DNAH8: variants seen among roughly 807,000 people sequenced by gnomAD.
DNAH8 encodes the protein dynein axonemal heavy chain 8, also known as axonemal beta dynein heavy chain 8.
Under a neutral mutation model 562.1 loss-of-function variants are expected in DNAH8, and 382 were observed. The ratio of observed to expected loss-of-function variants is 0.68; its 90% confidence interval spans 0.63 to 0.74. DNAH8 has a LOEUF of 0.74. DNAH8 is among the 30% of genes least tolerant of loss of function. The pLI is 0.00. For synonymous variants in DNAH8, 1,881 were observed against 1,919.4 expected (o/e 0.98, Z 0.52); for missense variants, 5,203 against 5,620.4 (o/e 0.93, Z 2.37).
intron 91 of DNAH8, among the ~76,000 whole-genome samples, chr6:39,013,509 A>T (rs1372949957): frequency 6.6e-6 from 1 of 152,198 alleles, no homozygotes; most frequent in East Asian, 1.9e-4. Context: ...ATGGCTCTAT[A>T]GTGTTCAAAG....
Position 38,906,865 on chromosome 6 carries a change from T to A in DNAH8, c.9348+458T>A, listed in dbSNP as rs549082480. Among the ~76,000 whole-genome samples, 4 of 152,244 alleles carry A rather than the reference T, an allele frequency of 2.6e-5. No individual in the cohort carries two copies. The South Asian group carries it at 8.3e-4, about 32-fold the overall frequency. On this transcript the variant is annotated intron_variant, in intron 63 of 92. Transcript: ENST00000327475. ...GCATATACAGGTCGAGCTTCTCAAA[T>A]CCAAAACTCTGGAATCCAAAATGCT...
intron 53 of DNAH8, 37 bp downstream of exon 53, chr6:38,875,865 T>G: frequency 7.3e-7 from 1 of 1,362,656 alleles, no homozygotes; most frequent in Non-Finnish European, 1.0e-6. Flanking sequence ...TGAAATGACT[T>G]TTTTCAAATG....
chr6:38,842,598 A>T, intron 34 of DNAH8, 65 bp from the exon 35 acceptor site: 1 of 1,588,578 alleles, frequency 6.3e-7, no homozygotes. Context: ...AATAGTGTAT[A>T]TACATAAAAC....
Position 38,883,020 on chromosome 6 carries a change from T to C in DNAH8, c.7969T>C (p.Phe2657Leu), listed in dbSNP as rs372849137. 4.2e-5 allele frequency: 68 copies of C among 1,601,410 alleles called. No homozygotes were observed. The African/African-American group carries it at 5.5e-4, about 13-fold the overall frequency. ...VPNVDNIRTNFLIDTIAKQHK... is the reference protein window; with the variant it reads ...VPNVDNIRTNLLIDTIAKQHK... ...AAATGTTGACAATATTAGAACAAAT[T>C]TTTTGATAGACACCATTGCAAAACA... is the stretch of plus-strand genomic sequence containing the variant. Residue 2657 changes from phenylalanine (F) to leucine (L), a missense_variant, in exon 54 of 93, where the codon TTT (phenylalanine) becomes CTT (leucine). Physicochemically the swap from Phe to Leu is conservative, Grantham distance 22 (BLOSUM62 0). Transcript: ENST00000327475.
intron 13 of DNAH8, among the ~76,000 whole-genome samples, chr6:38,776,707 A>T (rs1768114444): frequency 6.6e-6 from 1 of 152,178 alleles, no homozygotes; most frequent in African/African-American, 2.4e-5. Context: ...AGCTCTGAAG[A>T]GGCATTCATA....
chr6:38,945,361 T>C (rs1761317312), intron 79 of DNAH8, 106 bp from the exon 80 acceptor site: 2 of 1,220,190 alleles, frequency 1.6e-6, no homozygotes, highest in South Asian at 1.5e-5. Flanking sequence ...CCAATTTTCC[T>C]ATATTTTCAG....
intron 89 of DNAH8, among the ~76,000 whole-genome samples, chr6:39,010,145 A>G (rs1766092002): frequency 3.5e-5 from 1 of 28,728 alleles, no homozygotes; most frequent in African/African-American, 5.1e-4. Context: ...TTATTCCAGC[A>G]GAAACAGCAT....
Position 38,860,622 on chromosome 6 carries a change from AC to A in DNAH8, c.6125del (p.Thr2042LysfsTer8). The part of the protein sequence containing the change: ...CTDRLVITPL[T>X]DRCYITLAQA... ...TGATCGTCTTGTTATCACTCCATTA[AC>A]AGATAGGTAGGAAACCCAGTTTTCG... On this transcript the variant is annotated frameshift_variant, in exon 43 of 93. Transcript: ENST00000327475. LOFTEE classifies it high-confidence loss of function. 2 of 1,524,722 alleles carry A rather than the reference AC, an allele frequency of 1.3e-6. No individual in the cohort carries two copies. The allele number at this position is 1,524,722 out of a possible 1,614,324, so 94.4% of individuals were successfully genotyped here.
Position 38,823,630 on chromosome 6 carries a change from A to G in DNAH8, c.3789A>G (p.Glu1263=). 6.2e-7 allele frequency: 1 copy of G among 1,609,240 alleles called. No homozygotes were observed. Among genetic ancestry groups the G allele is most frequent in the Non-Finnish European group, 8.5e-7 (1 of 1,175,880 alleles). ...AAATTCTACACTATGCTACTTTTGA[A>G]CAGGAGATTGATGAGTTGAAGCCTA... is the stretch of plus-strand genomic sequence containing the variant. ...RSEILHYATF[E]QEIDELKPII... The change falls in exon 28 of 93, where the codon GAA becomes GAG. Residue 1263 remains glutamate, a synonymous_variant. Transcript: ENST00000327475.
At chr6:38,717,722 T>C (rs1762448142) in intron 1 of DNAH8, among the ~76,000 whole-genome samples, 1 of 151,986 alleles carries the variant, frequency 6.6e-6, no homozygotes, top group Admixed American at 6.6e-5. Context: ...TTTCTTTCAC[T>C]CAGAGTGATT....
At chr6:38,795,495 G>T (rs1050984840) in intron 21 of DNAH8, among the ~76,000 whole-genome samples, 1 of 149,660 alleles carries the variant, frequency 6.7e-6, no homozygotes, top group Non-Finnish European at 1.5e-5. Flanking sequence ...CAGGAGAATG[G>T]CGTGAACCCA....
chr6:38,942,992 G>A (rs562000369), intron 79 of DNAH8, among the ~76,000 whole-genome samples: 1 of 152,194 alleles, frequency 6.6e-6, no homozygotes, highest in African/African-American at 2.4e-5. Context: ...AAATAAAGAA[G>A]GCTGAACACA....
intron 22 of DNAH8, among the ~76,000 whole-genome samples, chr6:38,805,184 A>C (rs771102620): frequency 1.3e-5 from 2 of 152,344 alleles, no homozygotes; most frequent in Non-Finnish European, 2.9e-5. Flanking sequence ...AACTCAAAAG[A>C]TAGACAGATA....
chr6:38,886,538 A>G (rs1020103733), intron 56 of DNAH8, among the ~76,000 whole-genome samples: 2 of 152,176 alleles, frequency 1.3e-5, no homozygotes, highest in Admixed American at 6.5e-5. Flanking sequence ...CACATATCTA[A>G]ATTTATTTGG....
intron 89 of DNAH8, among the ~76,000 whole-genome samples, chr6:39,009,820 AC>A (rs1766067625): frequency 1.3e-5 from 2 of 152,024 alleles, no homozygotes; most frequent in African/African-American, 4.8e-5. Context: ...AGGTACCAAG[AC>A]CTTTGGTTAA....
intron 53 of DNAH8, 57 bp from the exon 54 acceptor site, chr6:38,882,853 T>G: frequency 1.7e-5 from 21 of 1,211,144 alleles, no homozygotes; most frequent in East Asian, 2.7e-5. Context: ...TTTTGTATTA[T>G]GAGATAACTT....
intron 26 of DNAH8, among the ~76,000 whole-genome samples, chr6:38,816,150 G>A (rs1015811553): frequency 1.3e-5 from 2 of 151,976 alleles, no homozygotes; most frequent in African/African-American, 4.8e-5. Context: ...CATGTGCCAT[G>A]GTGGTTTGCT....
chr6:38,781,756 A>G (rs1768635775), intron 16 of DNAH8, among the ~76,000 whole-genome samples: 1 of 152,168 alleles, frequency 6.6e-6, no homozygotes, highest in African/African-American at 2.4e-5. Context: ...GTGAAGGTGA[A>G]GATAAAGCCA....
At chr6:38,860,655 A>G (rs4143448) in intron 43 of DNAH8, 26 bp downstream of exon 43, 3 of 1,447,850 alleles carry the variant, frequency 2.1e-6, no homozygotes, top group African/African-American at 1.5e-5. Flanking sequence ...TTCGTTTTTT[A>G]TTTTGTAATT....
Sources: allele counts gnomAD v4.1 joint callset (sites outside exome capture counted in the v4.1 genomes callset), GRCh38; gene constraint gnomAD v4.1.1; transcripts MANE v1.5; gene names NCBI Gene and HGNC (gene_info 2026-07-23, HGNC 2026-07-21).